CD180: variants seen among roughly 807,000 people sequenced by gnomAD.
CD180 encodes the protein CD180 antigen.
A neutral mutation model predicts 10.7 loss-of-function variants in CD180; 11 were observed. The ratio of observed to expected loss-of-function variants is 1.03; its 90% CI spans 0.65 to 1.70. The LOEUF is 1.70. Among genes scored for constraint, CD180 ranks in the 40% most tolerant of loss-of-function variants. CD180 has a pLI of 0.00. For missense variants in CD180, 729 were observed against 775.2 expected (o/e 0.94, Z 0.71); for synonymous variants, 286 against 294.6 (o/e 0.97, Z 0.30).
At chr5:67,190,072 C>G (rs2151167943) in intron 1 of CD180, among the ~76,000 whole-genome samples, 1 of 152,294 alleles carries the variant, frequency 6.6e-6, no homozygotes, top group East Asian at 1.9e-4. Context: ...CTCCTTTAAT[C>G]TGAGACAGTT....
chr5:67,185,733 A>T, intron 2 of CD180, 118 bp downstream of exon 2: 1 of 602,222 alleles, frequency 1.7e-6, no homozygotes, highest in Non-Finnish European at 2.7e-6. Context: ...AGGCATAAAC[A>T]TGTAGTATAA....
Position 67,180,593 on chromosome 5 carries a change from T to C in CD180, c.*2264A>G, listed in dbSNP as rs1379435046. On this transcript the variant is annotated 3_prime_UTR_variant, in exon 3 of 3. Transcript: ENST00000256447. ...CCCTAGGAGATGCCAGTGAAAAACATGTGGGAGGCCCAGGAAACCGTGGAG... is the reference window on the plus strand; with the variant it reads ...CCCTAGGAGATGCCAGTGAAAAACACGTGGGAGGCCCAGGAAACCGTGGAG... The C allele has an allele frequency of 6.6e-6, 1 of 152,130 alleles. No individual in the cohort carries two copies. The highest frequency in any genetic ancestry group is 1.5e-5 in the Non-Finnish European group (1 of 68,068). The allele number at this position is 152,130 out of a possible 1,614,324, so 9.4% of individuals were successfully genotyped here. A position where few individuals can be genotyped will look rare whatever the true frequency, so the allele number is the denominator to read the frequency against.
intron 1 of CD180, 143 bp from the exon 2 acceptor site, chr5:67,186,160 A>C: frequency 5.9e-6 from 3 of 505,216 alleles, no homozygotes; most frequent in South Asian, 7.9e-5. Context: ...AAACAAGATG[A>C]TGAATGCACA....
intron 1 of CD180, among the ~76,000 whole-genome samples, chr5:67,189,576 A>C (rs1295511812): frequency 6.6e-6 from 1 of 152,204 alleles, no homozygotes; most frequent in Non-Finnish European, 1.5e-5. Flanking sequence ...GAGAATTTAG[A>C]AACCAAACAC....
chr5:67,192,263 G>C (rs1310851993), intron 1 of CD180, among the ~76,000 whole-genome samples: 40 of 152,142 alleles, frequency 2.6e-4, no homozygotes, highest in African/African-American at 9.4e-4. Flanking sequence ...GGTGGTGGGC[G>C]CCTGTAGTCC....
intron 1 of CD180, among the ~76,000 whole-genome samples, chr5:67,187,405 G>A (rs1057309933): frequency 2.0e-5 from 3 of 152,160 alleles, no homozygotes; most frequent in Admixed American, 1.3e-4. Context: ...TTAGATCTCT[G>A]TATTTGTAGG....
Position 67,183,936 on chromosome 5 carries a change from A to T in CD180, c.907T>A (p.Leu303Met), listed in dbSNP as rs1244125318. ...TTCAAGTGAGTTGCTGTCAGATCCA[A>T]TTCTTGGAGTTGGGTGAAGCACTGA... ...TFQCFTQLQE[L>M]DLTATHLKGL... The change falls in exon 3 of 3, where the codon TTG (leucine) becomes ATG (methionine). Residue 303 changes from leucine (L) to methionine (M), a missense_variant. Leu to Met is a conservative substitution (Grantham distance 15). Coordinates refer to ENST00000256447, the MANE Select transcript of CD180 (RefSeq NM_005582.3). 6.2e-7 allele frequency: 1 copy of T among 1,614,166 alleles called. No individual in the cohort carries two copies. The highest frequency in any genetic ancestry group is 1.1e-5 in the South Asian group (1 of 91,072).
chr5:67,193,652 T>C (rs2151169126), intron 1 of CD180, among the ~76,000 whole-genome samples: 1 of 152,328 alleles, frequency 6.6e-6, no homozygotes, highest in African/African-American at 2.4e-5. Flanking sequence ...AATGTTGTTG[T>C]ATTGGAAGGT....
Position 67,196,767 on chromosome 5 carries a change from T to A in CD180, c.-126A>T. ...AGAAGGGTGATCTTGGAACAAGAAA[T>A]GCTGTTGACTGCTCAGCATTCTGTG... On this transcript the variant is annotated 5_prime_UTR_variant, in exon 1 of 3. Transcript: ENST00000256447. 1.9e-6 allele frequency: 2 copies of A among 1,055,270 alleles called. No homozygotes were observed. Among genetic ancestry groups the A allele is most frequent in the Non-Finnish European group, 1.3e-6 (1 of 749,022 alleles). 65.4% of individuals were successfully genotyped at this position (1,055,270 alleles called of 1,614,324 possible). A position where few individuals can be genotyped will look rare whatever the true frequency, so the allele number is the denominator to read the frequency against.
intron 1 of CD180, among the ~76,000 whole-genome samples, chr5:67,189,786 A>C (rs1742266739): frequency 6.6e-6 from 1 of 152,158 alleles, no homozygotes; most frequent in Admixed American, 6.5e-5. Flanking sequence ...GCACACACAC[A>C]CACTATTCTT....
intron 1 of CD180, among the ~76,000 whole-genome samples, chr5:67,188,096 GGACT>G (rs1742234420): frequency 6.6e-6 from 1 of 151,816 alleles, no homozygotes; most frequent in Admixed American, 6.6e-5. Flanking sequence ...CTTGAACCAG[GGACT>G]CAGAGGTTGC....
chr5:67,196,461 T>C, intron 1 of CD180, 91 bp downstream of exon 1: 1 of 1,215,622 alleles, frequency 8.2e-7, no homozygotes, highest in Non-Finnish European at 1.2e-6. Flanking sequence ...ACACTAGATA[T>C]TGGGATGCCA....
At position 67,185,993 on chromosome 5, in the gene CD180, A is replaced by G. The variant is rs751441877; in HGVS notation, c.115T>C (p.Cys39Arg). The change falls in exon 2 of 3, where the codon TGT becomes CGT. Residue 39 changes from cysteine to arginine, a missense_variant. Physicochemically the swap from Cys to Arg is radical, Grantham distance 180. Coordinates refer to ENST00000256447, the MANE Select transcript of CD180 (RefSeq NM_005582.3). ...IEKEANKTYN[C>R]ENLGLSEIPD... ...ATTTCACTGAGACCTAAATTTTCAC[A>G]GTTATATGTTTTGTTGGCTTCTTTC... 3.7e-5 allele frequency: 59 copies of G among 1,595,668 alleles called. No homozygotes were observed. The highest frequency in any genetic ancestry group is 4.9e-5 in the Non-Finnish European group (58 of 1,171,912).
intron 1 of CD180, among the ~76,000 whole-genome samples, chr5:67,193,172 TC>T (rs2151168988): frequency 6.6e-6 from 1 of 152,306 alleles, no homozygotes; most frequent in Non-Finnish European, 1.5e-5. Context: ...TTCGTCAAAT[TC>T]CACCTCAGAG....
chr5:67,186,058 A>C, intron 1 of CD180, 41 bp from the exon 2 acceptor site: 1 of 1,306,414 alleles, frequency 7.7e-7, no homozygotes, highest in Non-Finnish European at 1.0e-6. Context: ...AGACTTAATA[A>C]TTTTATAGAC....
Position 67,183,041 on chromosome 5 carries a change from C to G in CD180, c.1802G>C (p.Gly601Ala), listed in dbSNP as rs369283882. ...GTTTGCACACGTGGTCTCCTCCGAGCCTTCAAGTTTGTGCAGGTTTTCTTT... is the reference window on the plus strand; with the variant it reads ...GTTTGCACACGTGGTCTCCTCCGAGGCTTCAAGTTTGTGCAGGTTTTCTTT... ...WYKENLHKLE[G>A]SEETTCANPP... Residue 601 changes from glycine to alanine, a missense_variant, in exon 3 of 3, where the codon GGC (glycine) becomes GCC (alanine). Gly to Ala is a moderately conservative substitution (Grantham distance 60). Coordinates refer to ENST00000256447, the MANE Select transcript of CD180 (RefSeq NM_005582.3). 3.3e-5 allele frequency: 53 copies of G among 1,613,740 alleles called. No individual in the cohort carries two copies. The Admixed American group carries it at 4.5e-4, about 14-fold the overall frequency.
intron 1 of CD180, among the ~76,000 whole-genome samples, chr5:67,189,539 G>A (rs1742262332): frequency 6.6e-6 from 1 of 152,154 alleles, no homozygotes; most frequent in Non-Finnish European, 1.5e-5. Context: ...GGAGAAAGAG[G>A]CAAGTGACAA....
At chr5:67,188,208 A>C (rs1313548471) in intron 1 of CD180, among the ~76,000 whole-genome samples, 1 of 151,766 alleles carries the variant, frequency 6.6e-6, no homozygotes, top group Non-Finnish European at 1.5e-5. Flanking sequence ...TTAGGCCTCC[A>C]TTTGCTCTGT....
At position 67,182,867 on chromosome 5, in the gene CD180, T is replaced by C; in HGVS notation, c.1976A>G (p.Gln659Arg). 3.1e-6 allele frequency: 5 copies of C among 1,602,270 alleles called. No homozygotes were observed. The highest frequency in any genetic ancestry group is 4.3e-6 in the Non-Finnish European group (5 of 1,174,148). ...TGGAAACCTTCAGCACTAAATGTGT[T>C]GGTATTTCCACCTGAGAAGGTATTT... ...AVKYLLRWKY[Q>R]HI Residue 659 changes from glutamine to arginine, a missense_variant, in exon 3 of 3, where the codon CAA becomes CGA. Physicochemically the swap from Gln to Arg is conservative, Grantham distance 43. Coordinates refer to ENST00000256447, the MANE Select transcript of CD180 (RefSeq NM_005582.3).
Sources: gnomAD v4.1 joint callset for allele counts (sites outside exome capture counted in the v4.1 genomes callset) on GRCh38, gnomAD v4.1.1 for gene constraint, MANE v1.5 for transcripts, NCBI Gene and HGNC (gene_info 2026-07-23, HGNC 2026-07-21) for gene names.